The following WWOX variants were observed in gnomAD, a reference collection of about 807,000 sequenced individuals.
WWOX encodes the protein WW domain-containing oxidoreductase.
Under a neutral mutation model 46.2 loss-of-function variants are expected in WWOX, and 69 were observed. The ratio of observed to expected loss-of-function variants is 1.49; its 90% CI spans 1.23 to 1.82. The LOEUF is 1.82. Ranked by LOEUF, WWOX falls within the 40% of genes most tolerant of loss-of-function variation. WWOX has a pLI of 0.00. For synonymous variants in WWOX, 359 were observed against 202.6 expected, an observed-to-expected ratio of 1.77 and a Z score of -6.56; for missense variants, 919 against 542.6, an observed-to-expected ratio of 1.69 and a Z score of -6.89.
intron 8 of WWOX, among the ~76,000 whole-genome samples, chr16:78,597,749 T>G (rs1316512504): frequency 8.6e-6 from 1 of 116,242 alleles, no homozygotes; most frequent in Non-Finnish European, 1.8e-5. Context: ...AATATGAGTT[T>G]ATTTATATGT....
At chr16:78,714,192 T>C (rs747071628) in intron 8 of WWOX, among the ~76,000 whole-genome samples, 9 of 152,176 alleles carry the variant, frequency 5.9e-5, no homozygotes, top group Admixed American at 1.3e-4. Context: ...TATTAGTCTA[T>C]TCTCACACTG....
At chr16:79,078,400 A>G (rs2048699698) in intron 8 of WWOX, among the ~76,000 whole-genome samples, 2 of 152,144 alleles carry the variant, frequency 1.3e-5, no homozygotes, top group Admixed American at 6.6e-5. Flanking sequence ...TCTGATTCTC[A>G]TGGCTCGGGA....
intron 8 of WWOX, among the ~76,000 whole-genome samples, chr16:78,514,308 G>A (rs2085435978): frequency 6.6e-6 from 1 of 152,164 alleles, no homozygotes; most frequent in Non-Finnish European, 1.5e-5. Flanking sequence ...TTAATTATGT[G>A]CAACAGCTGC....
chr16:78,928,427 C>T (rs1411751492), intron 8 of WWOX, among the ~76,000 whole-genome samples: 3 of 152,040 alleles, frequency 2.0e-5, no homozygotes, highest in Non-Finnish European at 4.4e-5. Context: ...TGGTCTCGAT[C>T]TCCTGACCTC....
chr16:79,058,620 C>T (rs964073277), intron 8 of WWOX, among the ~76,000 whole-genome samples: 2 of 152,058 alleles, frequency 1.3e-5, no homozygotes, highest in African/African-American at 4.8e-5. Flanking sequence ...CTGGCCTAAT[C>T]CCTGGAAGGA....
At chr16:78,108,803 C>T (rs946808963) in intron 2 of WWOX, among the ~76,000 whole-genome samples, 4 of 152,194 alleles carry the variant, frequency 2.6e-5, no homozygotes, top group Non-Finnish European at 4.4e-5. Flanking sequence ...GCCTGGCCAA[C>T]ATGTTGAAAG....
At chr16:79,063,645 C>T (rs763854954) in intron 8 of WWOX, among the ~76,000 whole-genome samples, 33 of 152,192 alleles carry the variant, frequency 2.2e-4, no homozygotes, top group Non-Finnish European at 3.4e-4. Flanking sequence ...GACTCTTGCG[C>T]GCTAGAGTGA....
chr16:78,987,365 T>G (rs1226910839), intron 8 of WWOX, among the ~76,000 whole-genome samples: 2 of 152,176 alleles, frequency 1.3e-5, no homozygotes, highest in African/African-American at 4.8e-5. Flanking sequence ...TGTTTGAAAA[T>G]TTAAGAATAT....
intron 8 of WWOX, among the ~76,000 whole-genome samples, chr16:78,655,456 A>C (rs766834909): frequency 6.6e-6 from 1 of 152,172 alleles, no homozygotes; most frequent in African/African-American, 2.4e-5. Flanking sequence ...AAATATATGA[A>C]TCTCATCTGA....
chr16:78,330,972 C>T (rs1290533471), intron 5 of WWOX, among the ~76,000 whole-genome samples: 1 of 152,160 alleles, frequency 6.6e-6, no homozygotes, highest in Admixed American at 6.5e-5. Flanking sequence ...TTTTCTGGAG[C>T]AGTCTATTTA....
intron 8 of WWOX, among the ~76,000 whole-genome samples, chr16:78,728,295 C>G (rs1567519651): frequency 6.6e-6 from 1 of 151,952 alleles, no homozygotes; most frequent in Non-Finnish European, 1.5e-5. Flanking sequence ...AAACTGAACT[C>G]CTGAGCTCAA....
intron 8 of WWOX, among the ~76,000 whole-genome samples, chr16:79,034,306 T>A (rs77716700): frequency 0.014 from 2,135 of 152,302 alleles, 24 homozygotes; most frequent in South Asian, 0.051. Context: ...ATTAGTAATG[T>A]CAATAACTTT....
At chr16:78,876,335 C>T (rs1467827530) in intron 8 of WWOX, among the ~76,000 whole-genome samples, 2 of 151,868 alleles carry the variant, frequency 1.3e-5, no homozygotes, top group Admixed American at 1.3e-4. Context: ...TTCTTCTGCA[C>T]TTTGGGTGTT....
At chr16:78,859,836 TG>T (rs1219427783) in intron 8 of WWOX, among the ~76,000 whole-genome samples, 3 of 61,450 alleles carry the variant, frequency 4.9e-5, no homozygotes, top group Non-Finnish European at 1.4e-4. Flanking sequence ...GATTTAACAG[TG>T]ATTTTTTTTT....
chr16:78,945,156 G>A (rs1257842503), intron 8 of WWOX, among the ~76,000 whole-genome samples: 1 of 152,040 alleles, frequency 6.6e-6, no homozygotes, highest in African/African-American at 2.4e-5. Flanking sequence ...GTCCACCCTG[G>A]GTGACAGAGT....
chr16:78,730,735 C>G (rs1029265473), intron 8 of WWOX, among the ~76,000 whole-genome samples: 1 of 150,488 alleles, frequency 6.6e-6, no homozygotes, highest in African/African-American at 2.4e-5. Flanking sequence ...GCTGGGATTA[C>G]AGGTATAAAC....
At chr16:78,626,037 C>T (rs939009164) in intron 8 of WWOX, among the ~76,000 whole-genome samples, 8 of 151,656 alleles carry the variant, frequency 5.3e-5, no homozygotes, top group African/African-American at 1.2e-4. Context: ...TAACTAAAGT[C>T]CATCGTTTAT....
In WWOX at chr16:78,349,517, G is replaced by T; in HGVS notation, c.517-37343G>T. Among the ~76,000 whole-genome samples, 2 of 120,514 alleles carry T rather than the reference G, an allele frequency of 1.7e-5. 1 individual carries two copies. Among genetic ancestry groups the T allele is most frequent in the Non-Finnish European group, 4.0e-5 (2 of 50,564 alleles). 79.1% of individuals were successfully genotyped at this position (120,514 alleles called of 152,430 possible). A position where few individuals can be genotyped will look rare whatever the true frequency, so the allele number is the denominator to read the frequency against. ...TGCCCCACCCTTTAGAAGAAGCCAGGAGGAGGTCCTAGTCAGCTGATGTGA... is the reference window on the plus strand; with the variant it reads ...TGCCCCACCCTTTAGAAGAAGCCAGTAGGAGGTCCTAGTCAGCTGATGTGA... On this transcript the variant is annotated intron_variant, in intron 5 of 8. Coordinates refer to ENST00000566780, the MANE Select transcript of WWOX (RefSeq NM_016373.4).
intron 5 of WWOX, among the ~76,000 whole-genome samples, chr16:78,337,389 C>T (rs370032607): frequency 3.3e-5 from 5 of 152,270 alleles, no homozygotes; most frequent in South Asian, 2.1e-4. Context: ...GTCCTGTGTA[C>T]CCACTGATCC....
Sources: gnomAD v4.1 joint callset for allele counts (sites outside exome capture counted in the v4.1 genomes callset) on GRCh38, gnomAD v4.1.1 for gene constraint, MANE v1.5 for transcripts, NCBI Gene and HGNC (gene_info 2026-07-23, HGNC 2026-07-21) for gene names.